The following FAM13B variants were observed in gnomAD, a reference collection of about 807,000 sequenced individuals.
FAM13B encodes protein FAM13B.
Under a neutral mutation model 117.3 loss-of-function variants are expected in FAM13B, and 60 were observed. The ratio of observed to expected loss-of-function variants is 0.51; its 90% CI spans 0.42 to 0.63. FAM13B has a LOEUF of 0.63. Ranked by LOEUF, FAM13B falls within the 30% of genes least tolerant of loss-of-function variation. The pLI is 0.00. For missense variants in FAM13B, 972 were observed against 1,091.9 expected (o/e 0.89, Z 1.55); for synonymous variants, 332 against 356.1 (o/e 0.93, Z 0.76).
At chr5:138,022,774 C>T (rs1218765752) in intron 1 of FAM13B, among the ~76,000 whole-genome samples, 1 of 151,712 alleles carries the variant, frequency 6.6e-6, no homozygotes, top group African/African-American at 2.4e-5. Flanking sequence ...TTATACATCA[C>T]TAAAATGGCT....
At chr5:137,957,311 G>A (rs1561747085) in intron 13 of FAM13B, among the ~76,000 whole-genome samples, 1 of 152,126 alleles carries the variant, frequency 6.6e-6, no homozygotes, top group Non-Finnish European at 1.5e-5. Context: ...GGAGGCCAAG[G>A]CGGGCGGATC....
intron 14 of FAM13B, among the ~76,000 whole-genome samples, chr5:137,955,434 A>G (rs888964236): frequency 6.6e-6 from 1 of 152,238 alleles, no homozygotes; most frequent in Non-Finnish European, 1.5e-5. Context: ...CTTCTTAAGC[A>G]CATTTACTTT....
rs368257115 is a variant in FAM13B at position 137,946,315 on chromosome 5, G to T, written c.2161-4C>A. On this transcript the variant is annotated splice_region_variant and splice_polypyrimidine_tract_variant and intron_variant, in intron 18 of 23. Coordinates refer to ENST00000689681, the MANE Select transcript of FAM13B (RefSeq NM_001385994.1). ...CCAAATGATCTTTGGTCATTTTCTGGAATTAAACAAAAAAAATAACAAAAT... is the reference window on the plus strand; with the variant it reads ...CCAAATGATCTTTGGTCATTTTCTGTAATTAAACAAAAAAAATAACAAAAT... 78 of 1,302,582 alleles carry T rather than the reference G, an allele frequency of 6.0e-5. No homozygotes were observed. Among genetic ancestry groups the T allele is most frequent in the South Asian group, 9.9e-5 (5 of 50,678 alleles). 80.7% of individuals were successfully genotyped at this position (1,302,582 alleles called of 1,614,324 possible).
At chr5:138,031,037 AAAAAC>A (rs1243355450) in intron 1 of FAM13B, among the ~76,000 whole-genome samples, 1 of 152,144 alleles carries the variant, frequency 6.6e-6, no homozygotes, top group Non-Finnish European at 1.5e-5. Flanking sequence ...TCTCAAAAAA[AAAAAC>A]AAAACAGTAA....
intron 2 of FAM13B, chr5:138,020,009 T>G (rs1786289542): frequency 1.0e-6 from 1 of 980,376 alleles, no homozygotes; most frequent in Admixed American, 6.1e-5. Flanking sequence ...AAGAAATTTT[T>G]CATTTCTGGA....
intron 17 of FAM13B, among the ~76,000 whole-genome samples, chr5:137,951,252 A>C (rs1333155842): frequency 4.0e-5 from 6 of 151,484 alleles, no homozygotes; most frequent in Admixed American, 2.6e-4. Flanking sequence ...AGAGAGGCAA[A>C]CATTATCTTA....
At chr5:137,990,070 T>C (rs1450032213) in intron 7 of FAM13B, among the ~76,000 whole-genome samples, 2 of 152,218 alleles carry the variant, frequency 1.3e-5, no homozygotes, top group Non-Finnish European at 2.9e-5. Flanking sequence ...GGATATTAAA[T>C]CATTTTCTGA....
intron 1 of FAM13B, among the ~76,000 whole-genome samples, chr5:138,045,754 T>G (rs950277394): frequency 6.6e-6 from 1 of 151,680 alleles, no homozygotes; most frequent in Non-Finnish European, 1.5e-5. Flanking sequence ...ATCCCAGCAC[T>G]TTGGGAGGCT....
At chr5:138,011,464 G>C (rs539084370) in intron 5 of FAM13B, among the ~76,000 whole-genome samples, 52 of 151,806 alleles carry the variant, frequency 3.4e-4, no homozygotes, top group African/African-American at 1.2e-3. Context: ...TGTCACCCAG[G>C]CTGGAGTGCA....
At chr5:137,953,206 G>A in intron 16 of FAM13B, 130 bp downstream of exon 16, 1 of 975,640 alleles carries the variant, frequency 1.0e-6, no homozygotes, top group African/African-American at 1.6e-5. Flanking sequence ...AGATCTACAT[G>A]ATCACTGTTC....
At chr5:137,985,533 T>C (rs1205394205) in intron 9 of FAM13B, 144 bp from the exon 10 acceptor site, 7 of 780,656 alleles carry the variant, frequency 9.0e-6, no homozygotes, top group Non-Finnish European at 1.2e-5. Context: ...CACACTTTTA[T>C]CTTGCTAAAT....
At chr5:138,012,108 A>G (rs187522367) in intron 4 of FAM13B, among the ~76,000 whole-genome samples, 163 bp from the exon 5 acceptor site, 3 of 152,194 alleles carry the variant, frequency 2.0e-5, no homozygotes, top group Admixed American at 2.0e-4. Context: ...TTTGTATTTC[A>G]CTTATGAAAT....
intron 1 of FAM13B, among the ~76,000 whole-genome samples, chr5:138,050,117 G>A (rs13356746): frequency 0.18 from 27,294 of 151,768 alleles, 2,581 homozygotes; most frequent in African/African-American, 0.21. Flanking sequence ...CAGCCTGAGT[G>A]ACAGAGTGGA....
intron 13 of FAM13B, among the ~76,000 whole-genome samples, chr5:137,958,026 G>C: frequency 6.6e-6 from 1 of 152,186 alleles, no homozygotes; most frequent in East Asian, 1.9e-4. Context: ...AGATCATAAA[G>C]AACTATTTAT....
At chr5:137,967,322 A>G (rs1254336918) in intron 10 of FAM13B, among the ~76,000 whole-genome samples, 1 of 152,032 alleles carries the variant, frequency 6.6e-6, no homozygotes, top group African/African-American at 2.4e-5. Flanking sequence ...TCAGGAGTTC[A>G]AGACCAGCCT....
At chr5:137,963,223 T>C (rs751805531) in intron 10 of FAM13B, among the ~76,000 whole-genome samples, 4 of 152,212 alleles carry the variant, frequency 2.6e-5, no homozygotes, top group Non-Finnish European at 4.4e-5. Flanking sequence ...AAACTACACA[T>C]CTGTGAGGCT....
At chr5:138,032,306 C>T (rs1225293141) in intron 1 of FAM13B, among the ~76,000 whole-genome samples, 1 of 152,174 alleles carries the variant, frequency 6.6e-6, no homozygotes. Flanking sequence ...TTAAGGAAGT[C>T]CGCAACCACT....
chr5:137,943,275 A>C, intron 20 of FAM13B, 59 bp from the exon 21 acceptor site: 1 of 1,319,336 alleles, frequency 7.6e-7, no homozygotes, highest in Non-Finnish European at 1.1e-6. Flanking sequence ...TGTCCAGTGA[A>C]GCTTCCCTTC....
At chr5:137,995,739 A>G (rs988594460) in intron 7 of FAM13B, among the ~76,000 whole-genome samples, 2 of 152,270 alleles carry the variant, frequency 1.3e-5, no homozygotes, top group Non-Finnish European at 2.9e-5. Context: ...AAGTTAGTCA[A>G]TAAGTTATAT....
Sources: gnomAD v4.1 joint callset for allele counts (sites outside exome capture counted in the v4.1 genomes callset) on GRCh38, gnomAD v4.1.1 for gene constraint, MANE v1.5 for transcripts, NCBI Gene and HGNC (gene_info 2026-07-23, HGNC 2026-07-21) for gene names.